Variants in PREX1 observed in about 807,000 individuals in gnomAD.
The protein encoded by PREX1 is phosphatidylinositol-3,4,5-trisphosphate dependent Rac exchange factor 1, also known as phosphatidylinositol 3,4,5-trisphosphate-dependent Rac exchanger 1 protein.
Under a neutral mutation model 198.3 loss-of-function variants are expected in PREX1, and 41 were observed. That is an observed-to-expected ratio of 0.21 (90% CI 0.16 to 0.27). The LOEUF is 0.27. Ranked by LOEUF, PREX1 falls within the 10% of genes least tolerant of loss-of-function variation. The pLI is 1.00. For missense variants in PREX1, 1,620 were observed against 2,200.7 expected (o/e 0.74, Z 5.28); for synonymous variants, 843 against 887.2 (o/e 0.95, Z 0.89).
intron 1 of PREX1, among the ~76,000 whole-genome samples, chr20:48,826,207 C>G (rs2090507911): frequency 6.6e-6 from 1 of 152,086 alleles, no homozygotes; most frequent in Admixed American, 6.5e-5. Context: ...ACCCCCACAC[C>G]AGCCCTTCCT....
At chr20:48,651,846 T>G (rs1244123333) in intron 21 of PREX1, among the ~76,000 whole-genome samples, 3 of 152,256 alleles carry the variant, frequency 2.0e-5, no homozygotes, top group Non-Finnish European at 4.4e-5. Flanking sequence ...TCTTCTCATC[T>G]GGGGGAATAG....
chr20:48,625,956 G>A (rs749227589), intron 39 of PREX1, 29 bp from the exon 40 acceptor site: 233 of 1,535,674 alleles, frequency 1.5e-4, no homozygotes, highest in Non-Finnish European at 2.0e-4. Flanking sequence ...AGAATGAGGA[G>A]AGGCCGGGGC....
chr20:48,767,693 T>C (rs1352735603), intron 1 of PREX1, among the ~76,000 whole-genome samples: 1 of 152,174 alleles, frequency 6.6e-6, no homozygotes, highest in African/African-American at 2.4e-5. Flanking sequence ...CCCAGAGTCG[T>C]GTGTCTCATT....
rs746393157 is a variant in PREX1, at chr20:48,650,971, T to G, written c.2740A>C (p.Met914Leu). Residue 914 changes from methionine (M) to leucine (L), a missense_variant, in exon 23 of 40, where the codon ATG becomes CTG. Met to Leu is a conservative substitution (Grantham distance 15, BLOSUM62 2). Around this residue, in one of 7 missense-constraint regions of PREX1, gnomAD observed 514 missense variants for 611.6 expected, o/e 0.84. Transcript: ENST00000371941. Reference protein sequence around the residue: ...LMALSSAIVTMPHFEFRNICD... With the variant: ...LMALSSAIVTLPHFEFRNICD... ...ATGTTGCGGAACTCAAAGTGGGGCA[T>G]GGTCACGATGGCGCTGCTCAGGGCC... 4 of 1,614,206 alleles carry G rather than the reference T, an allele frequency of 2.5e-6. No homozygotes were observed. The South Asian group carries it at 3.3e-5, about 13-fold the overall frequency.
intron 1 of PREX1, among the ~76,000 whole-genome samples, chr20:48,766,364 A>G (rs961399341): frequency 6.6e-6 from 1 of 152,100 alleles, no homozygotes; most frequent in Non-Finnish European, 1.5e-5. Flanking sequence ...CAAAAGGCAA[A>G]TGTGGTCACC....
chr20:48,834,582 A>G, the PREX1 span, among the ~76,000 whole-genome samples: 1 of 151,156 alleles, frequency 6.6e-6, no homozygotes, highest in South Asian at 2.1e-4. Context: ...TTTTTGAGAT[A>G]GGGTCTCACT....
chr20:48,731,578 T>C (rs1255929923), intron 4 of PREX1, among the ~76,000 whole-genome samples: 1 of 152,202 alleles, frequency 6.6e-6, no homozygotes, highest in Non-Finnish European at 1.5e-5. Context: ...AGAGAAAAAT[T>C]AAGACACTAC....
At chr20:48,690,577 T>G (rs919030065) in intron 9 of PREX1, among the ~76,000 whole-genome samples, 1 of 152,106 alleles carries the variant, frequency 6.6e-6, no homozygotes, top group Non-Finnish European at 1.5e-5. Context: ...TGACTGAGGT[T>G]AATGGGCAGC....
the PREX1 span, among the ~76,000 whole-genome samples, chr20:48,880,706 T>G: frequency 2.0e-5 from 3 of 152,282 alleles, no homozygotes; most frequent in South Asian, 4.1e-4. Flanking sequence ...TGTAATCTCT[T>G]AGTTGTGCCT....
intron 29 of PREX1, 147 bp from the exon 30 acceptor site, chr20:48,640,041 T>C (rs1601034619): frequency 8.2e-6 from 9 of 1,104,126 alleles, no homozygotes; most frequent in Non-Finnish European, 1.0e-5. Flanking sequence ...CATTATCGGG[T>C]CCACAGAGGG....
chr20:48,862,780 TA>T, the PREX1 span, among the ~76,000 whole-genome samples: 1,496 of 99,222 alleles, frequency 0.015, 61 homozygotes, highest in African/African-American at 0.04. Flanking sequence ...TAAAAAAGCC[TA>T]AAAAAAAAAA....
the PREX1 span, among the ~76,000 whole-genome samples, chr20:48,863,941 G>A: frequency 3.3e-5 from 5 of 152,244 alleles, 1 homozygote; most frequent in South Asian, 1.0e-3. Flanking sequence ...TCTTTTCATG[G>A]CTTGATAGAT....
Position 48,745,071 on chromosome 20 carries a change from G to A in PREX1, c.368C>T (p.Pro123Leu), listed in dbSNP as rs1436618937. The A allele has an allele frequency of 1.2e-6, 2 of 1,614,092 alleles. No individual in the cohort carries two copies. Among genetic ancestry groups the A allele is most frequent in the Non-Finnish European group, 1.7e-6 (2 of 1,179,974 alleles). The part of the protein sequence containing the change: ...FLAALEYCLH[P>L]EPQSQHELGN... ...AAGTTCATGCTGAGACTGCGGCTCCGGGTGTAAACAATACTCCAAGGCGGC... is the reference window on the plus strand; with the variant it reads ...AAGTTCATGCTGAGACTGCGGCTCCAGGTGTAAACAATACTCCAAGGCGGC... Residue 123 changes from proline (P) to leucine (L), a missense_variant, in exon 3 of 40, where the codon CCG becomes CTG. Physicochemically the swap from Pro to Leu is moderately conservative, Grantham distance 98. Coordinates refer to ENST00000371941, the MANE Select transcript of PREX1 (RefSeq NM_020820.4).
At chr20:48,845,702 C>CAAAAA in the PREX1 span, among the ~76,000 whole-genome samples, 64 of 103,030 alleles carry the variant, frequency 6.2e-4, no homozygotes, top group African/African-American at 2.1e-3. Flanking sequence ...ACCTTGTTTC[C>CAAAAA]AAAAAAAAAA....
intron 1 of PREX1, among the ~76,000 whole-genome samples, chr20:48,787,042 C>T (rs2122948296): frequency 6.6e-6 from 1 of 151,618 alleles, no homozygotes; most frequent in South Asian, 2.1e-4. Flanking sequence ...TGATGACCCT[C>T]TGGGGACCCA....
At chr20:48,712,502 T>C (rs942249116) in intron 5 of PREX1, among the ~76,000 whole-genome samples, 3 of 152,136 alleles carry the variant, frequency 2.0e-5, no homozygotes, top group Admixed American at 2.0e-4. Context: ...ACCCTGGAAG[T>C]TGGAATCTCA....
chr20:48,874,436 T>C, the PREX1 span, among the ~76,000 whole-genome samples: 2 of 143,364 alleles, frequency 1.4e-5, no homozygotes, highest in South Asian at 2.2e-4. Flanking sequence ...GTGGGTGGTG[T>C]CGTGTGATTT....
At chr20:48,798,206 C>T (rs543322719) in intron 1 of PREX1, among the ~76,000 whole-genome samples, 1 of 152,102 alleles carries the variant, frequency 6.6e-6, no homozygotes, top group South Asian at 2.1e-4. Context: ...GTCTAGTTTC[C>T]CCTCCTCCAC....
chr20:48,655,243 C>G (rs903260964), intron 19 of PREX1, 47 bp downstream of exon 19: 2 of 1,470,950 alleles, frequency 1.4e-6, no homozygotes, highest in East Asian at 2.4e-5. Context: ...ACAGACAGAT[C>G]CACCATCTTC....
Sources: allele counts gnomAD v4.1 joint callset (sites outside exome capture counted in the v4.1 genomes callset), GRCh38; gene constraint gnomAD v4.1.1; regional missense constraint gnomAD v4.1.1; transcripts MANE v1.5; gene names NCBI Gene and HGNC (gene_info 2026-07-23, HGNC 2026-07-21).